ENOX2: variants seen among roughly 807,000 people sequenced by gnomAD.
ENOX2 encodes the protein ecto-NOX disulfide-thiol exchanger 2, also known as APK1 antigen.
A neutral mutation model predicts 45.0 loss-of-function variants in ENOX2; 36 were observed. The observed-to-expected ratio is 0.80, with a 90% CI of 0.61 to 1.06. The LOEUF is 1.06. ENOX2 is among the 50% of genes least tolerant of loss of function. ENOX2 has a pLI of 0.00. For missense variants in ENOX2, 423 were observed against 462.5 expected (o/e 0.91, Z 0.78); for synonymous variants, 174 against 152.3 (o/e 1.14, Z -1.05).
intron 2 of ENOX2, among the ~76,000 whole-genome samples, chrX:130,817,836 A>G (rs1041501690): frequency 9.8e-5 from 11 of 112,308 alleles, no homozygotes; most frequent in Non-Finnish European, 2.1e-4. Context: ...AGCTGGAAGC[A>G]TTCCCTTTGA....
intron 2 of ENOX2, among the ~76,000 whole-genome samples, chrX:130,788,993 T>G (rs767580426): frequency 1.8e-5 from 2 of 109,568 alleles, no homozygotes; most frequent in Non-Finnish European, 3.8e-5. Flanking sequence ...TTTCATGTCA[T>G]GTTGAAATGC....
intron 2 of ENOX2, among the ~76,000 whole-genome samples, chrX:130,789,233 G>A (rs182204960): frequency 5.3e-5 from 6 of 112,388 alleles, no homozygotes; most frequent in African/African-American, 1.9e-4. Context: ...TGGGCTTTGA[G>A]GAAAGCACTA....
At chrX:130,641,740 AAG>A (rs1219182954) in intron 10 of ENOX2, among the ~76,000 whole-genome samples, 52 of 109,047 alleles carry the variant, frequency 4.8e-4, no homozygotes, top group African/African-American at 1.2e-3. Flanking sequence ...AAAAAAAAAA[AAG>A]AGAGAATTAT....
rs963818829 is a variant in ENOX2, at chrX:130,687,237, C to A, written c.253+1626G>T. On this transcript the variant is annotated intron_variant, in intron 5 of 14. Transcript: ENST00000394363. ...GAACATCCTGTAAAGTAAACTACTG[C>A]AACCAACCTGGACATTACAGGTTGT... Among the ~76,000 whole-genome samples the A allele has an allele frequency of 5.4e-5, 6 of 112,054 alleles. No homozygotes were observed. In the Admixed American group the frequency reaches 5.6e-4, roughly 11 times the overall value.
intron 2 of ENOX2, among the ~76,000 whole-genome samples, chrX:130,853,139 A>G (rs1416871070): frequency 9.1e-6 from 1 of 109,863 alleles, no homozygotes; most frequent in Non-Finnish European, 1.9e-5. Context: ...TAAAACCAGC[A>G]ACCTAGAAAT....
chrX:130,627,802 A>G (rs1048216733), intron 14 of ENOX2, among the ~76,000 whole-genome samples, 156 bp downstream of exon 14: 1 of 111,948 alleles, frequency 8.9e-6, no homozygotes, highest in African/African-American at 3.2e-5. Flanking sequence ...CCACTTGCAA[A>G]GGGGAAGCTC....
chrX:130,734,516 C>G (rs745760091), intron 3 of ENOX2, among the ~76,000 whole-genome samples: 35 of 111,623 alleles, frequency 3.1e-4, no homozygotes, highest in Admixed American at 1.8e-3. Context: ...AAATCATAAG[C>G]TTGACAAGGG....
chrX:130,772,499 T>A (rs139932950), intron 3 of ENOX2, among the ~76,000 whole-genome samples: 1 of 112,077 alleles, frequency 8.9e-6, no homozygotes, highest in African/African-American at 3.2e-5. Context: ...TAGTTATGAC[T>A]TGTTGCCTGC....
intron 2 of ENOX2, among the ~76,000 whole-genome samples, chrX:130,797,817 A>C (rs1045110464): frequency 1.7e-4 from 19 of 111,697 alleles, no homozygotes; most frequent in African/African-American, 6.2e-4. Flanking sequence ...GGTTTTCTCC[A>C]AAGTAAACAG....
intron 3 of ENOX2, among the ~76,000 whole-genome samples, chrX:130,765,071 T>C (rs1603342964): frequency 9.0e-6 from 1 of 111,401 alleles, no homozygotes; most frequent in South Asian, 3.8e-4. Context: ...CCCAGCCTTA[T>C]TTTATATTAA....
intron 3 of ENOX2, among the ~76,000 whole-genome samples, chrX:130,763,383 GT>G (rs2039539381): frequency 9.0e-6 from 1 of 111,411 alleles, no homozygotes; most frequent in Non-Finnish European, 1.9e-5. Context: ...TGCAGGAGTG[GT>G]TTTTTATTTC....
intron 3 of ENOX2, among the ~76,000 whole-genome samples, chrX:130,775,538 C>T (rs1439459372): frequency 9.0e-6 from 1 of 111,294 alleles, no homozygotes; most frequent in African/African-American, 3.3e-5. Flanking sequence ...GGTAGACCTA[C>T]AGGCCCATTT....
intron 8 of ENOX2, among the ~76,000 whole-genome samples, chrX:130,666,578 C>T (rs1268192583): frequency 9.0e-6 from 1 of 111,358 alleles, no homozygotes; most frequent in African/African-American, 3.3e-5. Flanking sequence ...TCCCTGTTTG[C>T]ACCCTGTCTT....
At chrX:130,828,098 C>T (rs745420795) in intron 2 of ENOX2, among the ~76,000 whole-genome samples, 11 of 112,117 alleles carry the variant, frequency 9.8e-5, no homozygotes, top group South Asian at 3.7e-4. Flanking sequence ...GCCACTAGAA[C>T]GGTGTAACCT....
intron 3 of ENOX2, among the ~76,000 whole-genome samples, chrX:130,768,403 C>T (rs2039662912): frequency 8.9e-6 from 1 of 111,922 alleles, no homozygotes; most frequent in Non-Finnish European, 1.9e-5. Context: ...AGGATCACTG[C>T]TATAGTGTCA....
intron 2 of ENOX2, among the ~76,000 whole-genome samples, chrX:130,833,773 A>T (rs1308949272): frequency 9.0e-6 from 1 of 111,619 alleles, no homozygotes; most frequent in African/African-American, 3.3e-5. Context: ...ACTTTGATTT[A>T]CATCTTGGGT....
chrX:130,638,713 G>T (rs761885435), intron 10 of ENOX2, among the ~76,000 whole-genome samples: 1 of 111,920 alleles, frequency 8.9e-6, no homozygotes, highest in Non-Finnish European at 1.9e-5. Flanking sequence ...TGAATACAGA[G>T]AATCACAATT....
intron 5 of ENOX2, among the ~76,000 whole-genome samples, chrX:130,684,262 A>C (rs1362938167): frequency 8.9e-6 from 1 of 112,320 alleles, no homozygotes; most frequent in Non-Finnish European, 1.9e-5. Flanking sequence ...ATCTAACACA[A>C]TATTTTTGCT....
At chrX:130,632,632 CT>C (rs1398954115) in intron 12 of ENOX2, among the ~76,000 whole-genome samples, 4 of 111,970 alleles carry the variant, frequency 3.6e-5, no homozygotes, top group African/African-American at 9.7e-5. Context: ...CACTTCTTCT[CT>C]TTCCACAAAC....
Sources: allele counts gnomAD v4.1 joint callset (sites outside exome capture counted in the v4.1 genomes callset), GRCh38; gene constraint gnomAD v4.1.1; transcripts MANE v1.5; gene names NCBI Gene and HGNC (gene_info 2026-07-23, HGNC 2026-07-21).